RUFY3: variants seen among roughly 807,000 people sequenced by gnomAD.
The protein encoded by RUFY3 is RUN and FYVE domain containing 3.
A neutral mutation model predicts 84.0 loss-of-function variants in RUFY3; 34 were observed. That is an observed-to-expected ratio of 0.40 (90% CI 0.31 to 0.54). The LOEUF (loss-of-function observed/expected upper bound fraction) is 0.54. Among genes scored for constraint, RUFY3 ranks in the 20% least tolerant of loss-of-function variants. The pLI is 0.39. For synonymous variants in RUFY3, 242 were observed against 252.9 expected, an observed-to-expected ratio of 0.96 and a Z score of 0.41; for missense variants, 507 against 736.8, an observed-to-expected ratio of 0.69 and a Z score of 3.61.
intron 1 of RUFY3, among the ~76,000 whole-genome samples, chr4:70,759,895 C>T (rs1724731669): frequency 6.6e-6 from 1 of 152,148 alleles, no homozygotes; most frequent in Non-Finnish European, 1.5e-5. Flanking sequence ...CCACCAAAAA[C>T]AGTTGTCAGT....
intron 7 of RUFY3, 140 bp downstream of exon 7, chr4:70,775,373 G>C (rs1238617978): frequency 4.1e-5 from 20 of 492,786 alleles, no homozygotes; most frequent in Middle Eastern, 5.3e-4. Context: ...CACTGAGTTA[G>C]GCACTAGATA....
rs758843485 is a variant in RUFY3 at position 70,806,494 on chromosome 4, G to C, written c.1720-22G>C. 66 of 1,612,404 alleles carry C rather than the reference G, an allele frequency of 4.1e-5. 3 individuals carry two copies. The South Asian group carries it at 7.3e-4, about 18-fold the overall frequency. ...ATGCCTTGCTCATCTTCTATTCCCC[G>C]CCTAACCTCCTCTTCTCATAGAATG... is the stretch of plus-strand genomic sequence containing the variant. On this transcript the variant is annotated intron_variant, in intron 17 of 17. Coordinates refer to ENST00000381006, the MANE Select transcript of RUFY3 (RefSeq NM_001037442.4).
chr4:70,783,234 TAGTGGTAA>T (rs1242218107), intron 9 of RUFY3, 51 bp downstream of exon 9: 2 of 1,208,588 alleles, frequency 1.7e-6, no homozygotes. Flanking sequence ...ATCAACTTGT[TAGTGGTAA>T]AGGGGAGTCT....
intron 1 of RUFY3, among the ~76,000 whole-genome samples, chr4:70,731,628 C>T (rs1719289848): frequency 6.6e-6 from 1 of 152,070 alleles, no homozygotes; most frequent in East Asian, 1.9e-4. Context: ...AGTGCAGTGG[C>T]GCAGTCTCGG....
intron 14 of RUFY3, 107 bp from the exon 15 acceptor site, chr4:70,800,034 G>T: frequency 1.0e-6 from 1 of 966,002 alleles, no homozygotes; most frequent in South Asian, 1.7e-5. Flanking sequence ...AATAAAAAAA[G>T]CTACTTAGCT....
intron 7 of RUFY3, among the ~76,000 whole-genome samples, chr4:70,777,316 A>G (rs1463400627): frequency 6.6e-6 from 1 of 152,210 alleles, no homozygotes; most frequent in Non-Finnish European, 1.5e-5. Context: ...TCCTGAGAAG[A>G]GCTATCCAAA....
Position 70,746,359 on chromosome 4 carries a change from T to G in RUFY3, c.179-16160T>G, listed in dbSNP as rs1214442710. Among the ~76,000 whole-genome samples, 3 of 149,224 alleles carry G rather than the reference T, an allele frequency of 2.0e-5. No homozygotes were observed. In the South Asian group the frequency reaches 6.4e-4, roughly 32 times the overall value. On this transcript the variant is annotated intron_variant, in intron 1 of 17. Transcript: ENST00000381006. ...ACTCCTTAAAAAAAAAAAAAAAAAT[T>G]AGCCAGGCATGGTGGCGGGTGCCTG...
chr4:70,720,849 G>T (rs1239132126), upstream of RUFY3, among the ~76,000 whole-genome samples: 2 of 150,826 alleles, frequency 1.3e-5, no homozygotes, highest in East Asian at 3.9e-4. Flanking sequence ...CTGCCCTTTT[G>T]CTACCAAGGT....
In RUFY3 at chr4:70,734,578, T is replaced by C. The variant is rs1719978331; in HGVS notation, c.178+11827T>C. On this transcript the variant is annotated intron_variant, in intron 1 of 17. Coordinates refer to ENST00000381006, the MANE Select transcript of RUFY3 (RefSeq NM_001037442.4). Reference sequence around the variant, plus strand: ...TGCTCTGCCCTGAAAATAACCTGGCTAGTCACCCTTTCAAGGTAAGTTTTA... The same window carrying C: ...TGCTCTGCCCTGAAAATAACCTGGCCAGTCACCCTTTCAAGGTAAGTTTTA... 14 of 985,328 alleles carry C rather than the reference T, an allele frequency of 1.4e-5. No homozygotes were observed. The South Asian group carries it at 1.9e-4, about 13-fold the overall frequency. 61.0% of individuals were successfully genotyped at this position (985,328 alleles called of 1,614,324 possible).
At chr4:70,774,670 T>A (rs55858505) in intron 6 of RUFY3, among the ~76,000 whole-genome samples, 2,971 of 80,222 alleles carry the variant, frequency 0.037, 45 homozygotes, top group Non-Finnish European at 0.049. Flanking sequence ...TATATATATA[T>A]AAAATAAACA....
intron 1 of RUFY3, among the ~76,000 whole-genome samples, chr4:70,731,929 A>T (rs891871036): frequency 6.6e-6 from 1 of 152,230 alleles, no homozygotes; most frequent in African/African-American, 2.4e-5. Context: ...TAGTAGCTAC[A>T]GGTAATCATT....
chr4:70,765,944 G>A (rs940429608), intron 4 of RUFY3, among the ~76,000 whole-genome samples: 2 of 151,870 alleles, frequency 1.3e-5, no homozygotes, highest in Admixed American at 1.3e-4. Context: ...TGTATTTTTA[G>A]TAGAGACGGG....
chr4:70,737,425 C>G (rs528864235), intron 1 of RUFY3, among the ~76,000 whole-genome samples: 21 of 152,086 alleles, frequency 1.4e-4, no homozygotes, highest in Non-Finnish European at 2.6e-4. Flanking sequence ...GTGAGATGTA[C>G]TACATTTTGT....
intron 14 of RUFY3, 72 bp from the exon 15 acceptor site, chr4:70,800,069 G>A: frequency 2.8e-6 from 4 of 1,440,024 alleles, no homozygotes; most frequent in Non-Finnish European, 2.9e-6. Flanking sequence ...AGGCATTGCA[G>A]AAGAAAATAT....
At chr4:70,746,785 A>G (rs1722304981) in intron 1 of RUFY3, among the ~76,000 whole-genome samples, 1 of 152,214 alleles carries the variant, frequency 6.6e-6, no homozygotes, top group Admixed American at 6.5e-5. Flanking sequence ...GAATAACAAA[A>G]AGTCAATTTT....
intron 1 of RUFY3, among the ~76,000 whole-genome samples, chr4:70,714,067 C>T (rs894556586): frequency 6.6e-6 from 1 of 152,108 alleles, no homozygotes; most frequent in South Asian, 2.1e-4. Flanking sequence ...TATTATTATC[C>T]CCATTTTGTT....
intron 1 of RUFY3, among the ~76,000 whole-genome samples, chr4:70,724,509 A>G (rs770242432): frequency 1.3e-5 from 2 of 152,220 alleles, no homozygotes; most frequent in South Asian, 4.1e-4. Context: ...TGAATTCTTC[A>G]TAGAGAAATC....
At chr4:70,766,276 G>A (rs1725895754) in intron 4 of RUFY3, among the ~76,000 whole-genome samples, 2 of 152,008 alleles carry the variant, frequency 1.3e-5, no homozygotes, top group South Asian at 2.1e-4. Flanking sequence ...AGAGACTCGC[G>A]CTCTGTCACC....
At position 70,800,193 on chromosome 4, in the gene RUFY3, A is replaced by C. The variant is rs1732045028; in HGVS notation, c.1610A>C (p.Glu537Ala). 1 of 1,605,582 alleles carries C rather than the reference A, an allele frequency of 6.2e-7. No individual in the cohort carries two copies. The highest frequency in any genetic ancestry group is 8.5e-7 in the Non-Finnish European group (1 of 1,177,756). Residue 537 changes from glutamate to alanine, a missense_variant, in exon 15 of 18, where the codon GAA becomes GCA. This residue lies in a region of RUFY3 where 334 missense variants were observed against 364.1 expected (regional missense o/e 0.92). Transcript: ENST00000381006. ...EENVKLKKPL[E>A]ESHRLQPHPM... Reference sequence around the variant, plus strand: ...AATGTTAAACTAAAAAAGCCCCTGGAAGAAAGCCACAGGTGTTTGTTAATC... The same window carrying C: ...AATGTTAAACTAAAAAAGCCCCTGGCAGAAAGCCACAGGTGTTTGTTAATC...
Sources: gnomAD v4.1 joint callset for allele counts (sites outside exome capture counted in the v4.1 genomes callset) on GRCh38, gnomAD v4.1.1 for gene constraint, gnomAD v4.1.1 regional missense constraint, MANE v1.5 for transcripts, NCBI Gene and HGNC (gene_info 2026-07-23, HGNC 2026-07-21) for gene names.